Variants in NIPAL3 observed in about 807,000 individuals in gnomAD.
NIPAL3 encodes NIPA-like protein 3.
NIPAL3 carries 41 observed loss-of-function variants against 47.2 expected under a neutral mutation model. That is an observed-to-expected ratio of 0.87 (90% CI 0.68 to 1.13). The LOEUF is 1.13. NIPAL3 is among the 50% of genes most tolerant of loss of function. The pLI is 0.00. For missense variants in NIPAL3, 449 were observed against 530.1 expected (o/e 0.85, Z 1.50); for synonymous variants, 194 against 209.6 (o/e 0.93, Z 0.64).
chr1:24,457,495 T>C (rs1646268853), intron 8 of NIPAL3, among the ~76,000 whole-genome samples: 1 of 152,240 alleles, frequency 6.6e-6, no homozygotes, highest in South Asian at 2.1e-4. Flanking sequence ...CCAGGCACCA[T>C]AGGAGCAGCT....
intron 2 of NIPAL3, among the ~76,000 whole-genome samples, chr1:24,423,426 G>C (rs956014293): frequency 6.6e-6 from 1 of 152,162 alleles, no homozygotes; most frequent in Admixed American, 6.5e-5. Flanking sequence ...GGATCACGAG[G>C]TCAGGAGATC....
intron 3 of NIPAL3, among the ~76,000 whole-genome samples, chr1:24,441,558 C>A (rs1645384528): frequency 6.6e-6 from 1 of 152,162 alleles, no homozygotes; most frequent in Non-Finnish European, 1.5e-5. Flanking sequence ...CCACTGATAC[C>A]CACACAACTG....
chr1:24,450,184 ATG>A, intron 6 of NIPAL3, among the ~76,000 whole-genome samples: 1 of 152,336 alleles, frequency 6.6e-6, no homozygotes, highest in East Asian at 1.9e-4. Flanking sequence ...GTATGTGGTC[ATG>A]TAATATACCT....
intron 4 of NIPAL3, 150 bp downstream of exon 4, chr1:24,442,376 C>T (rs1360299749): frequency 4.1e-6 from 3 of 734,738 alleles, no homozygotes; most frequent in African/African-American, 3.5e-5. Context: ...ACACCAGGCC[C>T]TGTAAGTGCT....
intron 9 of NIPAL3, among the ~76,000 whole-genome samples, chr1:24,459,233 C>T (rs1557531375): frequency 6.6e-6 from 1 of 152,156 alleles, no homozygotes; most frequent in African/African-American, 2.4e-5. Context: ...ACACTTAGCT[C>T]CTAGAATTGT....
chr1:24,449,328 A>G lies in NIPAL3; in HGVS notation c.395-153A>G, dbSNP rs1246810044. 6.6e-6 allele frequency among the ~76,000 whole-genome samples: 1 copy of G among 152,182 alleles called. No individual in the cohort carries two copies. The highest frequency in any genetic ancestry group is 1.9e-4 in the East Asian group (1 of 5,192). ...TTTTTTAACAAAATTAAGGAAAATCATTTATTTTTTAAAGTAAAGAAAAAC... is the reference window on the plus strand; with the variant it reads ...TTTTTTAACAAAATTAAGGAAAATCGTTTATTTTTTAAAGTAAAGAAAAAC... On this transcript the variant is annotated intron_variant, in intron 5 of 11. Transcript: ENST00000374399. This position sits in a 1 kb window ranked among gnomAD's most constrained non-coding sequence, Gnocchi z 4.5.
chr1:24,434,139 A>G (rs2148787663), intron 2 of NIPAL3, among the ~76,000 whole-genome samples: 1 of 152,316 alleles, frequency 6.6e-6, no homozygotes, highest in Admixed American at 6.5e-5. Flanking sequence ...CTCCAAGTAA[A>G]AGGCAGAGAT....
intron 8 of NIPAL3, among the ~76,000 whole-genome samples, chr1:24,457,303 G>T (rs1294906738): frequency 6.6e-6 from 1 of 152,208 alleles, no homozygotes; most frequent in East Asian, 1.9e-4. Context: ...GCAGCCTGAG[G>T]GCAGGGCCTG....
intron 6 of NIPAL3, among the ~76,000 whole-genome samples, chr1:24,450,631 G>A (rs2148827238): frequency 6.6e-6 from 1 of 152,282 alleles, no homozygotes; most frequent in East Asian, 1.9e-4. Context: ...TAAAGTAAAT[G>A]TTCTTCCCAT....
chr1:24,454,281 T>C lies in NIPAL3; in HGVS notation c.637+777T>C. 8.6e-7 allele frequency: 1 copy of C among 1,162,972 alleles called. No individual in the cohort carries two copies. The highest frequency in any genetic ancestry group is 1.1e-6 in the Non-Finnish European group (1 of 931,418). The allele number at this position is 1,162,972 out of a possible 1,614,324, so 72.0% of individuals were successfully genotyped here. ...AGACAGAGGCGGAGGAGCAGGCTGGTGTCAGGGCTGGTGAAGCCTGCTACC... is the reference window on the plus strand; with the variant it reads ...AGACAGAGGCGGAGGAGCAGGCTGGCGTCAGGGCTGGTGAAGCCTGCTACC... On this transcript the variant is annotated intron_variant, in intron 7 of 11. Transcript: ENST00000374399. The surrounding 1 kb of genome is among the most constrained non-coding windows in gnomAD (Gnocchi z 4.1).
chr1:24,453,425 G>T lies in NIPAL3; in HGVS notation c.558G>T (p.Leu186=), dbSNP rs757078887. The T allele has an allele frequency of 2.7e-5, 44 of 1,613,226 alleles. No homozygotes were observed. The highest frequency in any genetic ancestry group is 3.6e-5 in the Non-Finnish European group (43 of 1,179,592). ...FLLYMLVEII[L]FCLLLYFYKE... ...TTCCACAGCTGGTGGAGATCATTCTGTTCTGCTTGCTGCTCTACTTCTACA... is the reference window on the plus strand; with the variant it reads ...TTCCACAGCTGGTGGAGATCATTCTTTTCTGCTTGCTGCTCTACTTCTACA... Residue 186 remains leucine, a synonymous_variant, in exon 7 of 12, where the codon CTG becomes CTT. Coordinates refer to ENST00000374399, the MANE Select transcript of NIPAL3 (RefSeq NM_020448.5).
rs1330060267 is a variant in NIPAL3 at position 24,471,945 on chromosome 1, C to G, written c.*2760C>G. Reference sequence around the variant, plus strand: ...GGAGGCTATTTAGATGTGTCAAACCCGGGTGATCATTAATAATTTGGGCAT... The same window carrying G: ...GGAGGCTATTTAGATGTGTCAAACCGGGGTGATCATTAATAATTTGGGCAT... On this transcript the variant is annotated 3_prime_UTR_variant, in exon 12 of 12. Coordinates refer to ENST00000374399, the MANE Select transcript of NIPAL3 (RefSeq NM_020448.5). 1 of 151,122 alleles carries G rather than the reference C, an allele frequency of 6.6e-6. No homozygotes were observed. Among genetic ancestry groups the G allele is most frequent in the Admixed American group, 6.6e-5 (1 of 15,190 alleles). The allele number at this position is 151,122 out of a possible 1,614,324, so 9.4% of individuals were successfully genotyped here. A position where few individuals can be genotyped will look rare whatever the true frequency, so the allele number is the denominator to read the frequency against.
At chr1:24,418,248 T>C (rs1644148725) in intron 1 of NIPAL3, among the ~76,000 whole-genome samples, 1 of 152,194 alleles carries the variant, frequency 6.6e-6, no homozygotes. Flanking sequence ...CTAAAAAATG[T>C]ATAAAAAGTC....
At chr1:24,438,680 CTGTT>C (rs1387318953) in intron 2 of NIPAL3, among the ~76,000 whole-genome samples, 1 of 152,238 alleles carries the variant, frequency 6.6e-6, no homozygotes, top group Non-Finnish European at 1.5e-5. Flanking sequence ...ACAGTGAGGA[CTGTT>C]TGTCTTGTTA....
At chr1:24,436,370 A>G (rs1645107888) in intron 2 of NIPAL3, among the ~76,000 whole-genome samples, 1 of 151,170 alleles carries the variant, frequency 6.6e-6, no homozygotes, top group African/African-American at 2.4e-5. Context: ...CAAGTTTGGG[A>G]TGTATGAGGC....
chr1:24,414,412 C>T (rs1643918275), upstream of NIPAL3: 1 of 151,620 alleles, frequency 6.6e-6, no homozygotes, highest in African/African-American at 2.4e-5. Flanking sequence ...AGGGCAGCCA[C>T]TTAGTATTCC....
At chr1:24,428,286 G>GAGAGAGAGAA (rs1293691841) in intron 2 of NIPAL3, among the ~76,000 whole-genome samples, 2 of 151,432 alleles carry the variant, frequency 1.3e-5, no homozygotes, top group Non-Finnish European at 2.9e-5. Context: ...GAGAGAGAGA[G>GAGAGAGAGAA]AGAGAGAGAG....
chr1:24,428,458 T>C (rs1321936082), intron 2 of NIPAL3, among the ~76,000 whole-genome samples: 1 of 152,132 alleles, frequency 6.6e-6, no homozygotes, highest in African/African-American at 2.4e-5. Flanking sequence ...TCCTGACTCA[T>C]GTAAGGAAGG....
intron 11 of NIPAL3, chr1:24,466,165 A>C (rs1261759517): frequency 4.9e-6 from 7 of 1,428,050 alleles, no homozygotes. Flanking sequence ...CTAGCCTGGC[A>C]CTCTCAGCCA....
Sources: gnomAD v4.1 joint callset for allele counts (sites outside exome capture counted in the v4.1 genomes callset) on GRCh38, gnomAD v4.1.1 for gene constraint, Gnocchi (gnomAD v3.1) non-coding constraint, MANE v1.5 for transcripts, NCBI Gene and HGNC (gene_info 2026-07-23, HGNC 2026-07-21) for gene names.